MAML2: variants seen among roughly 807,000 people sequenced by gnomAD.
MAML2 encodes the protein mastermind like transcriptional coactivator 2.
MAML2 carries 22 observed loss-of-function variants against 96.1 expected under a neutral mutation model. The ratio of observed to expected loss-of-function variants is 0.23; its 90% CI spans 0.16 to 0.33. The LOEUF (loss-of-function observed/expected upper bound fraction) is 0.33, where lower values mean the gene tolerates loss of function less well. MAML2 is among the 10% of genes least tolerant of loss of function. MAML2 has a pLI of 1.00. For synonymous variants in MAML2, 561 were observed against 521.3 expected (o/e 1.08, Z -1.04); for missense variants, 1,367 against 1,392.4 (o/e 0.98, Z 0.29).
chr11:96,185,452 A>T (rs1364967072), intron 1 of MAML2, among the ~76,000 whole-genome samples: 2 of 152,176 alleles, frequency 1.3e-5, no homozygotes, highest in African/African-American at 4.8e-5. Flanking sequence ...GACCATGTTC[A>T]TGGAGGCTGA....
intron 2 of MAML2, among the ~76,000 whole-genome samples, chr11:96,034,185 C>T (rs1858662475): frequency 6.6e-6 from 1 of 152,126 alleles, no homozygotes; most frequent in Non-Finnish European, 1.5e-5. Context: ...AATAGTTCAA[C>T]ATCTAAAACA....
chr11:96,152,682 A>C (rs1860943111), intron 1 of MAML2, among the ~76,000 whole-genome samples: 1 of 152,238 alleles, frequency 6.6e-6, no homozygotes, highest in Non-Finnish European at 1.5e-5. Flanking sequence ...AGGAAGAGTC[A>C]TGGTGGGTGT....
At chr11:96,213,033 A>C (rs1032757598) in intron 1 of MAML2, among the ~76,000 whole-genome samples, 2 of 152,228 alleles carry the variant, frequency 1.3e-5, no homozygotes, top group Non-Finnish European at 2.9e-5. Flanking sequence ...CCAAGAGCCC[A>C]TCTGGTCCTC....
intron 1 of MAML2, among the ~76,000 whole-genome samples, chr11:96,131,968 C>T (rs906122609): frequency 1.3e-5 from 2 of 152,178 alleles, no homozygotes; most frequent in African/African-American, 4.8e-5. Context: ...CGAGACTGTG[C>T]TATTGCACTC....
intron 1 of MAML2, among the ~76,000 whole-genome samples, chr11:96,290,775 G>T (rs185777464): frequency 6.6e-6 from 1 of 152,262 alleles, no homozygotes; most frequent in Admixed American, 6.5e-5. Flanking sequence ...TCCAACTCCT[G>T]TCTGTATAAC....
intron 1 of MAML2, among the ~76,000 whole-genome samples, chr11:96,220,101 C>T (rs1367658959): frequency 6.6e-6 from 1 of 152,152 alleles, no homozygotes; most frequent in Non-Finnish European, 1.5e-5. Context: ...TAATCTCCCA[C>T]AGTGTCCATG....
intron 1 of MAML2, among the ~76,000 whole-genome samples, chr11:96,168,904 A>C (rs111940684): frequency 7.9e-5 from 12 of 152,230 alleles, no homozygotes; most frequent in African/African-American, 2.9e-4. Flanking sequence ...ATTTCACAAG[A>C]ATTGGCAACG....
At chr11:95,986,707 G>A (rs185146455) in intron 3 of MAML2, among the ~76,000 whole-genome samples, 46 of 152,286 alleles carry the variant, frequency 3.0e-4, no homozygotes, top group African/African-American at 1.1e-3. Flanking sequence ...AGGTCACACA[G>A]TGGTAGAACT....
In MAML2 at chr11:96,202,177, CAAAAAAAAAAAA is replaced by C. The variant is rs35124521; in HGVS notation, c.514-108672_514-108661del. Among the ~76,000 whole-genome samples, 17 of 75,862 alleles carry C rather than the reference CAAAAAAAAAAAA, an allele frequency of 2.2e-4. No individual in the cohort carries two copies. In the South Asian group the frequency reaches 4.8e-3, roughly 22 times the overall value. 49.8% of individuals were successfully genotyped at this position (75,862 alleles called of 152,430 possible). Reference sequence around the variant, plus strand: ...TGAAACCCTGTCTCTACTAAAAATACAAAAAAAAAAAAAAAAAAAAAAAATTAGCCGGGGGTG... The same window carrying C: ...TGAAACCCTGTCTCTACTAAAAATACAAAAAAAAAAAATTAGCCGGGGGTG... On this transcript the variant is annotated intron_variant, in intron 1 of 4. Coordinates refer to ENST00000524717, the MANE Select transcript of MAML2 (RefSeq NM_032427.4).
At chr11:96,012,124 T>C (rs1018557102) in intron 2 of MAML2, among the ~76,000 whole-genome samples, 2 of 152,240 alleles carry the variant, frequency 1.3e-5, no homozygotes, top group Non-Finnish European at 2.9e-5. Flanking sequence ...TTCTCCGTTT[T>C]TGAGCTGCAG....
chr11:96,331,173 G>T (rs569425896), intron 1 of MAML2, among the ~76,000 whole-genome samples: 1 of 152,096 alleles, frequency 6.6e-6, no homozygotes, highest in African/African-American at 2.4e-5. Context: ...CAGAAGGCTG[G>T]CGGGGAGGAT....
chr11:96,071,821 AG>A (rs1233666822), intron 2 of MAML2, among the ~76,000 whole-genome samples: 3 of 152,166 alleles, frequency 2.0e-5, no homozygotes, highest in Non-Finnish European at 2.9e-5. Context: ...TACCTAACAT[AG>A]AGGGATACAT....
Position 96,184,439 on chromosome 11 carries a change from C to CAAAT in MAML2, c.514-90926_514-90923dup, listed in dbSNP as rs139760069. On this transcript the variant is annotated intron_variant, in intron 1 of 4. Transcript: ENST00000524717. ...TGGGTGACAGAGCGAGACTCCATCT[C>CAAAT]AAATAAATAAATAAATAAATAAATA... Among the ~76,000 whole-genome samples the CAAAT allele has an allele frequency of 6.5e-3, 947 of 145,266 alleles. 10 individuals are homozygous for CAAAT. The highest frequency in any genetic ancestry group is 0.036 in the East Asian group (176 of 4,924).
intron 1 of MAML2, among the ~76,000 whole-genome samples, chr11:96,154,430 T>C (rs1860978052): frequency 6.6e-6 from 1 of 152,288 alleles, no homozygotes; most frequent in Admixed American, 6.5e-5. Flanking sequence ...CAGGTTCAAT[T>C]TGAGAAATAG....
intron 1 of MAML2, among the ~76,000 whole-genome samples, chr11:96,118,667 T>A (rs1376073155): frequency 6.6e-6 from 1 of 152,162 alleles, no homozygotes; most frequent in African/African-American, 2.4e-5. Flanking sequence ...TATGGAGAGA[T>A]GGATCCACAA....
intron 1 of MAML2, among the ~76,000 whole-genome samples, chr11:96,160,934 G>A (rs570951339): frequency 1.3e-5 from 2 of 152,350 alleles, no homozygotes; most frequent in South Asian, 2.1e-4. Context: ...CTCTGCGAGT[G>A]ACCCTTGTCG....
chr11:96,005,911 T>G (rs1165199870), intron 2 of MAML2, among the ~76,000 whole-genome samples: 2 of 151,470 alleles, frequency 1.3e-5, no homozygotes, highest in Non-Finnish European at 2.9e-5. Flanking sequence ...CCTACAAATT[T>G]TGACATACTT....
At position 96,007,880 on chromosome 11, in the gene MAML2, G is replaced by A. The variant is rs1418376661; in HGVS notation, c.2140-16157C>T. ...ATCACACTCTGGGGACTGTGGTGGG[G>A]TGGGGGGAGGGGGGAGGGGTAGCAC... On this transcript the variant is annotated intron_variant, in intron 2 of 4. Coordinates refer to ENST00000524717, the MANE Select transcript of MAML2 (RefSeq NM_032427.4). Among the ~76,000 whole-genome samples, 27 of 123,982 alleles carry A rather than the reference G, an allele frequency of 2.2e-4. No homozygotes were observed. The Admixed American group carries it at 2.3e-3, about 11-fold the overall frequency. The allele number at this position is 123,982 out of a possible 152,430, so 81.3% of individuals were successfully genotyped here.
chr11:96,311,846 G>A (rs543360262), intron 1 of MAML2, among the ~76,000 whole-genome samples: 1 of 152,192 alleles, frequency 6.6e-6, no homozygotes, highest in African/African-American at 2.4e-5. Flanking sequence ...TTCCAATGGT[G>A]TGTACTATTT....
Sources: gnomAD v4.1 joint callset for allele counts (sites outside exome capture counted in the v4.1 genomes callset) on GRCh38, gnomAD v4.1.1 for gene constraint, MANE v1.5 for transcripts, NCBI Gene and HGNC (gene_info 2026-07-23, HGNC 2026-07-21) for gene names.